The following ROS1 variants were observed in gnomAD, a reference collection of about 807,000 sequenced individuals.
The protein encoded by ROS1 is proto-oncogene tyrosine-protein kinase ROS.
ROS1 carries 263 observed loss-of-function variants against 273.5 expected under a neutral mutation model. The observed-to-expected ratio is 0.96, with a 90% CI of 0.87 to 1.06. The LOEUF is 1.06. Ranked by LOEUF, ROS1 falls within the 50% of genes least tolerant of loss-of-function variation. The probability of loss-of-function intolerance (pLI) is 0.00; values close to 1 mark genes in which losing one functional copy is unlikely to be tolerated. For synonymous variants in ROS1, 1,008 were observed against 954.1 expected, an observed-to-expected ratio of 1.06 and a Z score of -1.04; for missense variants, 2,833 against 2,751.1, an observed-to-expected ratio of 1.03 and a Z score of -0.67.
rs9489140 is a variant in ROS1, at chr6:117,375,456, A to T, written c.2582+3603T>A. Among the ~76,000 whole-genome samples, 896 of 152,260 alleles carry T rather than the reference A, an allele frequency of 5.9e-3. 3 individuals carry two copies. The highest frequency in any genetic ancestry group is 8.3e-3 in the Non-Finnish European group (564 of 67,992). ...ACCTATTGAATTAAATAAATTTTTT[A>T]AAAAAAGAAAACCTACCTATTGGGT... On this transcript the variant is annotated intron_variant, in intron 18 of 43. Coordinates refer to ENST00000368507, the MANE Select transcript of ROS1 (RefSeq NM_001378902.1).
In ROS1 at chr6:117,366,054, A is replaced by G. The variant is rs751160180; in HGVS notation, c.2797+22T>C. Reference sequence around the variant, plus strand: ...AACTGAAGGTATAGTGGAGTAGGGTAAGCAGGAATGAAATACTGTACCTGG... The same window carrying G: ...AACTGAAGGTATAGTGGAGTAGGGTGAGCAGGAATGAAATACTGTACCTGG... On this transcript the variant is annotated intron_variant, in intron 19 of 43. Coordinates refer to ENST00000368507, the MANE Select transcript of ROS1 (RefSeq NM_001378902.1). 3 of 1,551,338 alleles carry G rather than the reference A, an allele frequency of 1.9e-6. No homozygotes were observed. The African/African-American group carries it at 4.1e-5, about 21-fold the overall frequency.
Position 117,300,958 on chromosome 6 carries a change from G to C in ROS1, c.6715+16C>G, listed in dbSNP as rs1287411144. On this transcript the variant is annotated intron_variant, in intron 43 of 43. Transcript: ENST00000368507. ...AGTGCAGCGAAAACTAGAAAATTCT[G>C]AAGAATCAAACTTACCTTCAAAGCT... The C allele has an allele frequency of 6.5e-7, 1 of 1,533,808 alleles. No homozygotes were observed. The highest frequency in any genetic ancestry group is 1.4e-5 in the African/African-American group (1 of 71,270).
intron 5 of ROS1, among the ~76,000 whole-genome samples, chr6:117,405,804 C>A (rs1419640829): frequency 6.6e-6 from 1 of 152,132 alleles, no homozygotes; most frequent in Non-Finnish European, 1.5e-5. Flanking sequence ...TGTTACCAGG[C>A]AGCTGGGTTA....
intron 7 of ROS1, among the ~76,000 whole-genome samples, chr6:117,397,815 A>C (rs1773619398): frequency 6.6e-6 from 1 of 152,210 alleles, no homozygotes. Flanking sequence ...ATGATCTGAC[A>C]GCCTAGCTTC....
chr6:117,311,152 T>C (rs1775515535), intron 39 of ROS1, 35 bp from the exon 40 acceptor site: 2 of 1,304,920 alleles, frequency 1.5e-6, no homozygotes, highest in Non-Finnish European at 2.2e-6. Flanking sequence ...CAGGTAGTTA[T>C]CTAGTTTGCA....
chr6:117,414,223 G>C (rs1296275755), intron 4 of ROS1, among the ~76,000 whole-genome samples: 1 of 151,840 alleles, frequency 6.6e-6, no homozygotes, highest in African/African-American at 2.4e-5. Context: ...CAGGGTCCAG[G>C]GATTATAACC....
intron 22 of ROS1, 146 bp downstream of exon 22, chr6:117,362,457 C>A: frequency 1.6e-6 from 1 of 643,474 alleles, no homozygotes; most frequent in Non-Finnish European, 2.5e-6. Flanking sequence ...TTAATTTTCT[C>A]ACATAATTTT....
At chr6:117,344,525 C>G (rs1406229402) in intron 27 of ROS1, among the ~76,000 whole-genome samples, 3 of 152,092 alleles carry the variant, frequency 2.0e-5, no homozygotes, top group African/African-American at 7.2e-5. Flanking sequence ...TCTTCAAGTT[C>G]ATATATATCT....
intron 31 of ROS1, among the ~76,000 whole-genome samples, chr6:117,340,915 C>A (rs1358127551): frequency 6.6e-6 from 1 of 151,978 alleles, no homozygotes; most frequent in African/African-American, 2.4e-5. Context: ...ATAACTTATA[C>A]CCTTTTACAT....
chr6:117,409,465 G>T (rs893587043), intron 5 of ROS1, 117 bp downstream of exon 5: 36 of 732,764 alleles, frequency 4.9e-5, no homozygotes, highest in Admixed American at 3.0e-4. Context: ...AGATATTTTT[G>T]ATCATATTGA....
intron 27 of ROS1, among the ~76,000 whole-genome samples, chr6:117,347,062 C>T (rs62430810): frequency 0.098 from 14,908 of 152,106 alleles, 908 homozygotes; most frequent in Middle Eastern, 0.16. Flanking sequence ...TTTGCCTCTC[C>T]ATATAAACTT....
At chr6:117,373,328 C>T (rs1426220282) in intron 18 of ROS1, among the ~76,000 whole-genome samples, 2 of 152,240 alleles carry the variant, frequency 1.3e-5, no homozygotes, top group Non-Finnish European at 2.9e-5. Flanking sequence ...GATCGGGCGC[C>T]ACGGAGCAGG....
intron 27 of ROS1, among the ~76,000 whole-genome samples, chr6:117,351,411 C>T (rs1778852629): frequency 6.6e-6 from 1 of 151,874 alleles, no homozygotes; most frequent in South Asian, 2.1e-4. Context: ...AAAATTTTTC[C>T]TTTTCCCTTC....
intron 27 of ROS1, among the ~76,000 whole-genome samples, chr6:117,348,537 G>C (rs1291709547): frequency 6.6e-6 from 1 of 151,528 alleles, no homozygotes; most frequent in South Asian, 2.1e-4. Context: ...CCAGTTTTTG[G>C]CTTCATTGAT....
chr6:117,360,287 C>CACAT, intron 23 of ROS1, 55 bp downstream of exon 23: 1 of 1,355,344 alleles, frequency 7.4e-7, no homozygotes, highest in Non-Finnish European at 1.0e-6. Context: ...CACACACACA[C>CACAT]ACACACACAC....
chr6:117,343,356 A>G (rs191231761), intron 28 of ROS1, among the ~76,000 whole-genome samples: 45 of 152,328 alleles, frequency 3.0e-4, no homozygotes, highest in African/African-American at 9.6e-4. Context: ...TCCAACAGTT[A>G]GTCAATTTCA....
chr6:117,334,575 A>G (rs905185472), intron 32 of ROS1, among the ~76,000 whole-genome samples: 6 of 152,244 alleles, frequency 3.9e-5, no homozygotes, highest in African/African-American at 1.4e-4. Flanking sequence ...TGGAGGCATC[A>G]TGCTACCTGA....
Position 117,324,398 on chromosome 6 carries a change from C to A in ROS1, c.5557G>T (p.Glu1853Ter). Residue 1853 changes from glutamate (E) to a stop codon, truncating the protein, a stop_gained, in exon 35 of 44, where the codon GAA becomes TAA. Coordinates refer to ENST00000368507, the MANE Select transcript of ROS1 (RefSeq NM_001378902.1). LOFTEE classifies it high-confidence loss of function. ...ATAATAGTAAGTATGAAACTTGTTT[C>A]TGGTATCCAAAAATCATCTAATAAT... is the stretch of plus-strand genomic sequence containing the variant. The part of the protein sequence containing the change: ...ILVGDDFWIP[E>*]TSFILTIIVG... 8 of 1,465,888 alleles carry A rather than the reference C, an allele frequency of 5.5e-6. No individual in the cohort carries two copies. Among genetic ancestry groups the A allele is most frequent in the Non-Finnish European group, 7.6e-6 (8 of 1,057,574 alleles). The allele number at this position is 1,465,888 out of a possible 1,614,324, so 90.8% of individuals were successfully genotyped here.
intron 41 of ROS1, 74 bp downstream of exon 41, chr6:117,310,007 T>C (rs1265146014): frequency 1.4e-5 from 18 of 1,312,860 alleles, no homozygotes; most frequent in Non-Finnish European, 2.0e-5. Flanking sequence ...AAAAGCAAGA[T>C]TAGATGTCCT....
Sources: gnomAD v4.1 joint callset for allele counts (sites outside exome capture counted in the v4.1 genomes callset) on GRCh38, gnomAD v4.1.1 for gene constraint, MANE v1.5 for transcripts, NCBI Gene and HGNC (gene_info 2026-07-23, HGNC 2026-07-21) for gene names.